FMN1: variants seen among roughly 807,000 people sequenced by gnomAD.
The protein encoded by FMN1 is formin-1.
In FMN1, 110 loss-of-function variants were observed where a neutral mutation model predicts 132.4. The ratio of observed to expected loss-of-function variants is 0.83; its 90% CI spans 0.71 to 0.97. The LOEUF (loss-of-function observed/expected upper bound fraction) is 0.97, where lower values mean the gene tolerates loss of function less well. FMN1 is among the 50% of genes least tolerant of loss of function. The pLI, the probability that FMN1 is intolerant of heterozygous loss-of-function variation, is 0.00. For synonymous variants in FMN1, 722 were observed against 651.7 expected, an observed-to-expected ratio of 1.11 and a Z score of -1.64; for missense variants, 1,792 against 1,705.3, an observed-to-expected ratio of 1.05 and a Z score of -0.90.
chr15:32,880,869 A>G (rs953312681), intron 16 of FMN1, among the ~76,000 whole-genome samples: 1 of 152,082 alleles, frequency 6.6e-6, no homozygotes, highest in African/African-American at 2.4e-5. Context: ...TTTTGTCCTA[A>G]GTATTCTGAA....
chr15:32,850,289 G>C (rs1448633867), intron 17 of FMN1, among the ~76,000 whole-genome samples: 4 of 152,096 alleles, frequency 2.6e-5, no homozygotes, highest in Non-Finnish European at 5.9e-5. Flanking sequence ...TTTATTTCTG[G>C]GGGTTGAAGT....
intron 17 of FMN1, among the ~76,000 whole-genome samples, chr15:32,841,082 TA>T (rs1268125608): frequency 6.6e-6 from 1 of 152,244 alleles, no homozygotes; most frequent in Non-Finnish European, 1.5e-5. Context: ...TTACTTTAGA[TA>T]TTTTTGCTTG....
At chr15:32,813,427 T>C (rs930826143) in intron 17 of FMN1, among the ~76,000 whole-genome samples, 1 of 152,236 alleles carries the variant, frequency 6.6e-6, no homozygotes, top group Non-Finnish European at 1.5e-5. Context: ...TCACTTTTTT[T>C]TTCCCAATAT....
At chr15:32,833,250 T>C (rs1204322285) in intron 17 of FMN1, among the ~76,000 whole-genome samples, 2 of 152,156 alleles carry the variant, frequency 1.3e-5, no homozygotes, top group African/African-American at 4.8e-5. Context: ...AGAAAATACG[T>C]AATGGGAGGT....
At chr15:32,971,935 G>A (rs1284717133) in intron 7 of FMN1, among the ~76,000 whole-genome samples, 1 of 152,146 alleles carries the variant, frequency 6.6e-6, no homozygotes, top group Non-Finnish European at 1.5e-5. Context: ...GACATGTAAA[G>A]CTATATATCA....
At chr15:33,115,916 A>G (rs540278202) in intron 4 of FMN1, among the ~76,000 whole-genome samples, 31 of 152,250 alleles carry the variant, frequency 2.0e-4, no homozygotes, top group African/African-American at 7.5e-4. Context: ...CATTTGCATC[A>G]TTATTCATTT....
Position 32,771,885 on chromosome 15 carries a change from G to A in FMN1, c.*2425C>T, listed in dbSNP as rs916830251. 1 of 152,206 alleles carries A rather than the reference G, an allele frequency of 6.6e-6. No individual in the cohort carries two copies. Among genetic ancestry groups the A allele is most frequent in the Non-Finnish European group, 1.5e-5 (1 of 68,060 alleles). 9.4% of individuals were successfully genotyped at this position (152,206 alleles called of 1,614,324 possible). A position where few individuals can be genotyped will look rare whatever the true frequency, so the allele number is the denominator to read the frequency against. Reference sequence around the variant, plus strand: ...CTGAGCATCAATTTGAGTTAAAAATGAAGGCTGTGTCAGCAACGTGGTACA... The same window carrying A: ...CTGAGCATCAATTTGAGTTAAAAATAAAGGCTGTGTCAGCAACGTGGTACA... On this transcript the variant is annotated 3_prime_UTR_variant, in exon 21 of 21. Coordinates refer to ENST00000616417, the MANE Select transcript of FMN1 (RefSeq NM_001277313.2).
Position 33,017,761 on chromosome 15 carries a change from T to TC in FMN1, c.2162-9687dup, listed in dbSNP as rs778557476. On this transcript the variant is annotated intron_variant, in intron 6 of 20. Transcript: ENST00000616417. Reference sequence around the variant, plus strand: ...TACCGCTATGGTTTGAATGTTTGTGTCCTACTAAAATCCATATGATGGGCT... The same window carrying TC: ...TACCGCTATGGTTTGAATGTTTGTGTCCCTACTAAAATCCATATGATGGGCT... Among the ~76,000 whole-genome samples the TC allele has an allele frequency of 1.2e-3, 176 of 152,344 alleles. 1 individual carries two copies. Among genetic ancestry groups the TC allele is most frequent in the Non-Finnish European group, 2.2e-3 (152 of 68,044 alleles).
At chr15:33,136,649 G>A (rs753313070) in intron 4 of FMN1, among the ~76,000 whole-genome samples, 13 of 151,954 alleles carry the variant, frequency 8.6e-5, no homozygotes, top group Non-Finnish European at 1.8e-4. Context: ...AATTTGTGCT[G>A]GTCAATATAA....
intron 7 of FMN1, among the ~76,000 whole-genome samples, chr15:32,983,704 A>C (rs1210469059): frequency 6.6e-6 from 1 of 152,184 alleles, no homozygotes; most frequent in Non-Finnish European, 1.5e-5. Flanking sequence ...AGTAGAGTAA[A>C]ATGAGTCCGA....
Position 32,773,769 on chromosome 15 carries a change from T to C in FMN1, c.*541A>G, listed in dbSNP as rs10519747. ...TCATTTTTTTAGTCTGGATAATACA[T>C]GTTCTTGGACCTCTTCAAGAATAGT... On this transcript the variant is annotated 3_prime_UTR_variant, in exon 21 of 21. Transcript: ENST00000616417. The C allele has an allele frequency of 0.13, 20,273 of 153,340 alleles. 1,420 individuals carry two copies. Among genetic ancestry groups the C allele is most frequent in the Middle Eastern group, 0.19 (57 of 296 alleles). The allele number at this position is 153,340 out of a possible 1,614,324, so 9.5% of individuals were successfully genotyped here.
chr15:32,951,270 T>C (rs938472782), intron 9 of FMN1, among the ~76,000 whole-genome samples: 2 of 152,194 alleles, frequency 1.3e-5, no homozygotes, highest in African/African-American at 4.8e-5. Context: ...CAGGTTACCA[T>C]GAAAGCAAAA....
chr15:33,081,166 G>T (rs2038440309), intron 5 of FMN1, among the ~76,000 whole-genome samples: 2 of 152,136 alleles, frequency 1.3e-5, no homozygotes, highest in Non-Finnish European at 2.9e-5. Context: ...ATTAAGACAA[G>T]AGCCTGGACC....
intron 17 of FMN1, among the ~76,000 whole-genome samples, chr15:32,818,869 T>C (rs1348799527): frequency 6.7e-6 from 1 of 149,486 alleles, no homozygotes; most frequent in Admixed American, 6.7e-5. Flanking sequence ...TGCCACCATC[T>C]CCTGTACGCA....
At chr15:33,147,183 GAAAT>G (rs1964260269) in intron 4 of FMN1, among the ~76,000 whole-genome samples, 1 of 146,436 alleles carries the variant, frequency 6.8e-6, no homozygotes, top group Non-Finnish European at 1.5e-5. Flanking sequence ...AAAAAAAAAA[GAAAT>G]AAAACAAAAC....
At chr15:33,113,841 A>G (rs943279264) in intron 4 of FMN1, among the ~76,000 whole-genome samples, 8 of 152,128 alleles carry the variant, frequency 5.3e-5, no homozygotes, top group Admixed American at 6.5e-5. Flanking sequence ...CACACTTCAA[A>G]ACAGAGCCTT....
intron 3 of FMN1, among the ~76,000 whole-genome samples, chr15:33,178,720 T>G (rs1318806656): frequency 6.6e-6 from 1 of 152,242 alleles, no homozygotes; most frequent in East Asian, 1.9e-4. Flanking sequence ...ACACTGGCAT[T>G]CAGAATACAG....
chr15:33,184,344 A>G (rs532156865), intron 2 of FMN1, among the ~76,000 whole-genome samples: 25 of 152,338 alleles, frequency 1.6e-4, no homozygotes, highest in Middle Eastern at 3.4e-3. Context: ...CTTTCTAAAG[A>G]AAAAATATGG....
chr15:33,101,936 G>C (rs958256006), intron 4 of FMN1, among the ~76,000 whole-genome samples: 1 of 152,022 alleles, frequency 6.6e-6, no homozygotes, highest in Non-Finnish European at 1.5e-5. Flanking sequence ...ACACTTCCTT[G>C]TCTATTCACT....
Sources: gnomAD v4.1 joint callset for allele counts (sites outside exome capture counted in the v4.1 genomes callset) on GRCh38, gnomAD v4.1.1 for gene constraint, MANE v1.5 for transcripts, NCBI Gene and HGNC (gene_info 2026-07-23, HGNC 2026-07-21) for gene names.